The following CCDC178 variants were observed in gnomAD, a reference collection of about 807,000 sequenced individuals.
CCDC178 encodes coiled-coil domain-containing protein 178.
CCDC178 carries 126 observed loss-of-function variants against 117.4 expected under a neutral mutation model. That is an observed-to-expected ratio of 1.07 (90% CI 0.93 to 1.24). The LOEUF is 1.24. Ranked by LOEUF, CCDC178 falls within the 50% of genes most tolerant of loss-of-function variation. The pLI is 0.00. For missense variants in CCDC178, 1,030 were observed against 986.9 expected (o/e 1.04, Z -0.59); for synonymous variants, 283 against 313.4 (o/e 0.90, Z 1.02).
chr18:33,324,150 A>C (rs2062554859), intron 10 of CCDC178, among the ~76,000 whole-genome samples: 1 of 151,768 alleles, frequency 6.6e-6, no homozygotes, highest in African/African-American at 2.4e-5. Context: ...CTAATTATCA[A>C]ACATCATACT....
chr18:33,198,126 G>A (rs1405984809), intron 20 of CCDC178, among the ~76,000 whole-genome samples: 5 of 152,130 alleles, frequency 3.3e-5, no homozygotes, highest in Non-Finnish European at 7.4e-5. Flanking sequence ...GACACTGCAA[G>A]TCATATTTGT....
intron 21 of CCDC178, among the ~76,000 whole-genome samples, chr18:32,980,443 C>G (rs886224442): frequency 1.3e-5 from 2 of 151,494 alleles, no homozygotes; most frequent in East Asian, 1.9e-4. Flanking sequence ...CAGTGGCGGG[C>G]GCCTGTAGTC....
chr18:33,363,857 CAT>C (rs1024531469), intron 6 of CCDC178, among the ~76,000 whole-genome samples: 3 of 152,046 alleles, frequency 2.0e-5, no homozygotes, highest in African/African-American at 7.2e-5. Context: ...CAGTATTAAT[CAT>C]GTGGCAATGG....
chr18:32,988,160 G>T (rs965735672), intron 21 of CCDC178, among the ~76,000 whole-genome samples: 1 of 147,834 alleles, frequency 6.8e-6, no homozygotes, highest in South Asian at 2.2e-4. Flanking sequence ...TGGCTGACGC[G>T]GTGGCTCACG....
intron 21 of CCDC178, among the ~76,000 whole-genome samples, chr18:33,003,643 C>T (rs914708041): frequency 6.6e-6 from 1 of 152,236 alleles, no homozygotes; most frequent in African/African-American, 2.4e-5. Flanking sequence ...TGCCCTCTTT[C>T]ACCATAGTTA....
chr18:33,326,657 CTTG>C (rs1185326538), intron 10 of CCDC178, among the ~76,000 whole-genome samples: 2 of 151,846 alleles, frequency 1.3e-5, no homozygotes, highest in African/African-American at 4.8e-5. Context: ...CACTCTGTAT[CTTG>C]TTGTTTTTGG....
At chr18:33,236,499 A>C (rs2059428567) in intron 15 of CCDC178, among the ~76,000 whole-genome samples, 2 of 152,286 alleles carry the variant, frequency 1.3e-5, no homozygotes, top group South Asian at 4.1e-4. Context: ...ATGGTTTCTT[A>C]AGTGGACCAG....
chr18:32,969,982 C>A (rs1204702144), intron 22 of CCDC178, among the ~76,000 whole-genome samples: 1 of 151,990 alleles, frequency 6.6e-6, no homozygotes, highest in Non-Finnish European at 1.5e-5. Flanking sequence ...GAAGTTAGGA[C>A]CTCATATAAA....
At chr18:33,286,406 T>A (rs952354034) in intron 12 of CCDC178, among the ~76,000 whole-genome samples, 1 of 152,214 alleles carries the variant, frequency 6.6e-6, no homozygotes, top group Non-Finnish European at 1.5e-5. Context: ...ACTTAATAGC[T>A]TTTTGTCTGT....
intron 3 of CCDC178, among the ~76,000 whole-genome samples, chr18:33,404,137 C>T (rs1375022640): frequency 6.6e-6 from 1 of 152,070 alleles, no homozygotes; most frequent in East Asian, 1.9e-4. Context: ...CATGAGATAA[C>T]ATTATGCATT....
intron 20 of CCDC178, among the ~76,000 whole-genome samples, chr18:33,164,103 C>CTTTTTTTTTTTTTTTTTTTTTTTATT (rs34932085): frequency 9.0e-6 from 1 of 111,382 alleles, no homozygotes; most frequent in Non-Finnish European, 1.8e-5. Context: ...CGCTTACATT[C>CTTTTTTTTTTTTTTTTTTTTTTTATT]TTTTTTTTTT....
intron 12 of CCDC178, among the ~76,000 whole-genome samples, chr18:33,276,129 T>C (rs2059948091): frequency 6.6e-6 from 1 of 152,060 alleles, no homozygotes; most frequent in Non-Finnish European, 1.5e-5. Context: ...GAAAAATACA[T>C]AACTCTTTGG....
At chr18:33,428,731 A>AC (rs2064158461) in intron 2 of CCDC178, among the ~76,000 whole-genome samples, 1 of 90,066 alleles carries the variant, frequency 1.1e-5, no homozygotes, top group African/African-American at 4.9e-5. Flanking sequence ...ACTCTGTCTC[A>AC]AAAAAAAAAA....
At chr18:33,178,620 C>T (rs1195092968) in intron 20 of CCDC178, among the ~76,000 whole-genome samples, 8 of 152,100 alleles carry the variant, frequency 5.3e-5, no homozygotes, top group Admixed American at 5.3e-4. Context: ...GAAGGTCTCC[C>T]ACTACATGGC....
chr18:33,322,056 T>C (rs12964649), intron 11 of CCDC178, among the ~76,000 whole-genome samples: 36,621 of 151,858 alleles, frequency 0.24, 4,742 homozygotes, highest in East Asian at 0.49. Flanking sequence ...AGGAGGTTAA[T>C]TGGTATCCCA....
At chr18:33,376,874 CTA>C (rs2063374374) in intron 5 of CCDC178, among the ~76,000 whole-genome samples, 1 of 152,148 alleles carries the variant, frequency 6.6e-6, no homozygotes, top group Non-Finnish European at 1.5e-5. Context: ...TAGATTGATT[CTA>C]TGTCTTTGCT....
intron 21 of CCDC178, among the ~76,000 whole-genome samples, chr18:33,046,570 A>G (rs1384555335): frequency 6.6e-6 from 1 of 152,192 alleles, no homozygotes; most frequent in African/African-American, 2.4e-5. Flanking sequence ...GTTCCTACTT[A>G]ACATTTAAAA....
At chr18:33,371,982 T>A (rs1283928034) in intron 5 of CCDC178, among the ~76,000 whole-genome samples, 5 of 152,042 alleles carry the variant, frequency 3.3e-5, no homozygotes, top group African/African-American at 9.7e-5. Flanking sequence ...AAAACATTTG[T>A]TTTGCTTCAT....
At chr18:33,097,617 A>C (rs2057562168) in intron 20 of CCDC178, among the ~76,000 whole-genome samples, 1 of 152,106 alleles carries the variant, frequency 6.6e-6, no homozygotes, top group African/African-American at 2.4e-5. Flanking sequence ...CTGTACCCTT[A>C]ACCGTCCAAT....
Sources: allele counts gnomAD v4.1 joint callset (sites outside exome capture counted in the v4.1 genomes callset), GRCh38; gene constraint gnomAD v4.1.1; transcripts MANE v1.5; gene names NCBI Gene and HGNC (gene_info 2026-07-23, HGNC 2026-07-21).